The following ASH1L variants were observed in gnomAD, a reference collection of about 807,000 sequenced individuals.
ASH1L encodes histone-lysine N-methyltransferase ASH1L.
ASH1L carries 23 observed loss-of-function variants against 269.0 expected under a neutral mutation model. The ratio of observed to expected loss-of-function variants is 0.09; its 90% CI spans 0.06 to 0.12. The LOEUF (loss-of-function observed/expected upper bound fraction) is 0.12. ASH1L is among the 10% of genes least tolerant of loss of function. The probability of loss-of-function intolerance (pLI) is 1.00; values close to 1 mark genes in which losing one functional copy is unlikely to be tolerated. For synonymous variants in ASH1L, 1,187 were observed against 1,253.5 expected (o/e 0.95, Z 1.12); for missense variants, 2,912 against 3,567.8 (o/e 0.82, Z 4.68).
At chr1:155,538,610 G>A (rs1369542515) in intron 1 of ASH1L, among the ~76,000 whole-genome samples, 1 of 149,960 alleles carries the variant, frequency 6.7e-6, no homozygotes, top group Non-Finnish European at 1.5e-5. Context: ...CCAAAGTGCT[G>A]GGATTACAGG....
intron 7 of ASH1L, among the ~76,000 whole-genome samples, chr1:155,392,213 C>G (rs1657988665): frequency 6.6e-6 from 1 of 152,052 alleles, no homozygotes; most frequent in East Asian, 1.9e-4. Flanking sequence ...TGCAGTTTCC[C>G]CTATTAGCAT....
intron 2 of ASH1L, among the ~76,000 whole-genome samples, chr1:155,489,022 C>T (rs1359771771): frequency 1.3e-5 from 2 of 152,112 alleles, no homozygotes; most frequent in Non-Finnish European, 2.9e-5. Context: ...ATGGAGCCAA[C>T]AATGCTTGCT....
chr1:155,472,535 T>A (rs928201093), intron 3 of ASH1L, among the ~76,000 whole-genome samples: 3 of 152,072 alleles, frequency 2.0e-5, no homozygotes, highest in Non-Finnish European at 2.9e-5. Context: ...TCCTTTATAA[T>A]CTCCTTCTCA....
At chr1:155,366,571 C>G (rs1655434927) in intron 12 of ASH1L, among the ~76,000 whole-genome samples, 1 of 152,104 alleles carries the variant, frequency 6.6e-6, no homozygotes, top group Non-Finnish European at 1.5e-5. Context: ...TTTATTTTTT[C>G]CCAACTTCTG....
At chr1:155,519,484 A>G (rs1668721977) in intron 2 of ASH1L, among the ~76,000 whole-genome samples, 1 of 152,182 alleles carries the variant, frequency 6.6e-6, no homozygotes, top group Non-Finnish European at 1.5e-5. Flanking sequence ...ATATCCACAC[A>G]ATGGATTATT....
intron 6 of ASH1L, among the ~76,000 whole-genome samples, chr1:155,415,148 C>G (rs1558079199): frequency 1.3e-5 from 2 of 151,932 alleles, no homozygotes; most frequent in Admixed American, 1.3e-4. Flanking sequence ...CTTTGGGAGG[C>G]CGAGGCAGGT....
chr1:155,338,646 T>C (rs1652514391), intron 26 of ASH1L, among the ~76,000 whole-genome samples: 1 of 152,226 alleles, frequency 6.6e-6, no homozygotes, highest in Admixed American at 6.5e-5. Context: ...CCATAAAATA[T>C]ACAAGGGCTA....
chr1:155,353,322 A>G (rs1158463212), intron 16 of ASH1L, among the ~76,000 whole-genome samples: 4 of 152,230 alleles, frequency 2.6e-5, no homozygotes, highest in Non-Finnish European at 5.9e-5. Context: ...TCTGTAAATG[A>G]TATCTGTTAT....
Position 155,480,900 on chromosome 1 carries a change from G to C in ASH1L, c.1970C>G (p.Thr657Ser). 1 of 1,613,912 alleles carries C rather than the reference G, an allele frequency of 6.2e-7. No homozygotes were observed. Among genetic ancestry groups the C allele is most frequent in the South Asian group, 1.1e-5 (1 of 91,018 alleles). ...AATAGTATGAATGCTGGATTCAGAA[G>C]TCAAACTTGGCTTTTTTCCAAGGGA... ...SSSLGKKPSL[T>S]SESSIHTITP... is the part of the protein sequence containing the mutation. The change falls in exon 3 of 28, where the codon ACT becomes AGT. Residue 657 changes from threonine to serine, a missense_variant. Around this residue, in one of 13 missense-constraint regions of ASH1L, gnomAD observed 715 missense variants for 721.0 expected, o/e 0.99. Coordinates refer to ENST00000392403, the MANE Select transcript of ASH1L (RefSeq NM_018489.3).
At chr1:155,488,417 T>G (rs1666475478) in intron 2 of ASH1L, among the ~76,000 whole-genome samples, 1 of 144,790 alleles carries the variant, frequency 6.9e-6, no homozygotes, top group South Asian at 2.2e-4. Flanking sequence ...CCCGGCACTT[T>G]GGGAGGCCGA....
At chr1:155,370,379 T>G in intron 12 of ASH1L, 125 bp downstream of exon 12, 1 of 1,199,930 alleles carries the variant, frequency 8.3e-7, no homozygotes. Context: ...CCGTGGGATC[T>G]GGGGTAATGG....
chr1:155,489,238 C>T (rs757447910), intron 2 of ASH1L, among the ~76,000 whole-genome samples: 22 of 151,604 alleles, frequency 1.5e-4, no homozygotes, highest in Admixed American at 2.6e-4. Context: ...TTTGGGAGGC[C>T]GAGGAGGGCA....
rs1165690113 is a variant in ASH1L at position 155,347,802 on chromosome 1, C to T, written c.7657G>A (p.Val2553Met). Reference sequence around the variant, plus strand: ...TCTGCCTCACTTGCTGTCTCTCCCACAATCTCATCAATCTGGGCTGATGCC... The same window carrying T: ...TCTGCCTCACTTGCTGTCTCTCCCATAATCTCATCAATCTGGGCTGATGCC... ...HEASAQIDEI[V>M]GETASEADSS... Residue 2553 changes from valine (V) to methionine (M), a missense_variant, in exon 20 of 28, where the codon GTG becomes ATG. By Grantham distance (21) the Val-to-Met change is conservative (BLOSUM62 1). Transcript: ENST00000392403. 5 of 1,614,250 alleles carry T rather than the reference C, an allele frequency of 3.1e-6. No individual in the cohort carries two copies. The highest frequency in any genetic ancestry group is 4.2e-6 in the Non-Finnish European group (5 of 1,180,044).
chr1:155,420,363 C>CAAA (rs781669260), intron 5 of ASH1L, among the ~76,000 whole-genome samples: 2 of 45,216 alleles, frequency 4.4e-5, no homozygotes, highest in African/African-American at 1.6e-4. Flanking sequence ...GACTCCATCT[C>CAAA]AAAAAAAAAA....
At chr1:155,358,911 T>G (rs1455054496) in intron 13 of ASH1L, 1 of 151,288 alleles carries the variant, frequency 6.6e-6, no homozygotes, top group African/African-American at 2.4e-5. Flanking sequence ...AGTCCAGGAG[T>G]CTGTGACCAG....
intron 6 of ASH1L, among the ~76,000 whole-genome samples, chr1:155,414,967 A>C (rs1405435499): frequency 1.3e-5 from 2 of 152,342 alleles, no homozygotes; most frequent in South Asian, 2.1e-4. Context: ...TATTTTATTC[A>C]TCTGACAAAG....
chr1:155,507,220 C>T (rs1248923273), intron 2 of ASH1L, among the ~76,000 whole-genome samples: 1 of 146,840 alleles, frequency 6.8e-6, no homozygotes, highest in Non-Finnish European at 1.5e-5. Context: ...GTGGAGGTTG[C>T]GGTGTGCCGA....
Position 155,415,883 on chromosome 1 carries a change from T to A in ASH1L, c.5869A>T (p.Thr1957Ser). The change falls in exon 6 of 28, where the codon ACC (threonine) becomes TCC (serine). Residue 1957 changes from threonine (T) to serine (S), a missense_variant. Physicochemically the swap from Thr to Ser is moderately conservative, Grantham distance 58. Around this residue, in one of 13 missense-constraint regions of ASH1L, gnomAD observed 193 missense variants for 311.6 expected, o/e 0.62. Coordinates refer to ENST00000392403, the MANE Select transcript of ASH1L (RefSeq NM_018489.3). Reference sequence around the variant, plus strand: ...TCAGGTTCAGAAGGTTTAGCTGGGGTTTCAGAAGGACTGGGAATCTCAACT... The same window carrying A: ...TCAGGTTCAGAAGGTTTAGCTGGGGATTCAGAAGGACTGGGAATCTCAACT... ...APVEIPSPSE[T>S]PAKPSEPEST... 2 of 1,609,798 alleles carry A rather than the reference T, an allele frequency of 1.2e-6. No individual in the cohort carries two copies. Among genetic ancestry groups the A allele is most frequent in the Non-Finnish European group, 1.7e-6 (2 of 1,178,190 alleles).
At chr1:155,504,255 G>A (rs973389330) in intron 2 of ASH1L, among the ~76,000 whole-genome samples, 3 of 151,956 alleles carry the variant, frequency 2.0e-5, no homozygotes, top group Admixed American at 6.6e-5. Context: ...ATACACATAC[G>A]GAGAATCTTC....
Sources: gnomAD v4.1 joint callset for allele counts (sites outside exome capture counted in the v4.1 genomes callset) on GRCh38, gnomAD v4.1.1 for gene constraint, gnomAD v4.1.1 regional missense constraint, MANE v1.5 for transcripts, NCBI Gene and HGNC (gene_info 2026-07-23, HGNC 2026-07-21) for gene names.